NUP62CL: variants seen among roughly 807,000 people sequenced by gnomAD.
NUP62CL encodes the protein nucleoporin-62 C-terminal-like protein.
In NUP62CL, 13 loss-of-function variants were observed where a neutral mutation model predicts 15.3. The observed-to-expected ratio is 0.85, with a 90% CI of 0.55 to 1.35. The LOEUF is 1.35. NUP62CL is among the 40% of genes most tolerant of loss of function. NUP62CL has a pLI of 0.00. For missense variants in NUP62CL, 123 were observed against 130.6 expected, an observed-to-expected ratio of 0.94 and a Z score of 0.28; for synonymous variants, 54 against 49.2, an observed-to-expected ratio of 1.10 and a Z score of -0.41.
chrX:107,182,332 C>G (rs1926938291), intron 2 of NUP62CL, among the ~76,000 whole-genome samples: 1 of 111,949 alleles, frequency 8.9e-6, no homozygotes, highest in African/African-American at 3.2e-5. Context: ...AAAAATGTCT[C>G]CAGATTTGGC....
chrX:107,150,399 C>A (rs369796834), intron 7 of NUP62CL, among the ~76,000 whole-genome samples: 5 of 112,104 alleles, frequency 4.5e-5, no homozygotes, highest in Non-Finnish European at 5.6e-5. Context: ...CTAGATGTTT[C>A]CTGCTCCACT....
In NUP62CL at chrX:107,154,147, C is replaced by T. The variant is rs1001219971; in HGVS notation, c.294G>A (p.Gln98=). The T allele has an allele frequency of 5.0e-6, 6 of 1,208,402 alleles. No homozygotes were observed. The highest frequency in any genetic ancestry group is 4.6e-4 in the Middle Eastern group (2 of 4,347). ...LEDQEKYFLL[Q]ATQVNAWDHT... is the part of the protein sequence containing the mutation. ...GGTCCCAAGCATTGACCTGAGTGGC[C>T]TGGAGAAGAAAGTACTTCTCTTGAT... is the stretch of plus-strand genomic sequence containing the variant. The change falls in exon 5 of 9, where the codon CAG becomes CAA. Residue 98 remains glutamine, a synonymous_variant. Coordinates refer to ENST00000372466, the MANE Select transcript of NUP62CL (RefSeq NM_017681.3).
rs1367419913 is a variant in NUP62CL, at chrX:107,206,384, T to C, written c.-203A>G. 1.8e-5 allele frequency: 2 copies of C among 109,100 alleles called. No individual in the cohort carries two copies. Among genetic ancestry groups the C allele is most frequent in the Admixed American group, 9.8e-5 (1 of 10,239 alleles). The allele number at this position is 109,100 out of a possible 1,213,427, so 9.0% of individuals were successfully genotyped here. A position where few individuals can be genotyped will look rare whatever the true frequency, so the allele number is the denominator to read the frequency against. ...CCGGACCTGCTCGAGCCGGAAAGAA[T>C]CGGCCTCCTTAGTGGGCAGGTTCCC... On this transcript the variant is annotated 5_prime_UTR_variant, in exon 1 of 9. Coordinates refer to ENST00000372466, the MANE Select transcript of NUP62CL (RefSeq NM_017681.3).
At chrX:107,152,148 T>A (rs2343174) in intron 7 of NUP62CL, among the ~76,000 whole-genome samples, 1 of 42,931 alleles carries the variant, frequency 2.3e-5, no homozygotes, top group Non-Finnish European at 3.5e-5. Flanking sequence ...ATATATATAT[T>A]CAGATATATA....
chrX:107,189,322 A>T (rs1039893728), intron 2 of NUP62CL, among the ~76,000 whole-genome samples: 1 of 111,774 alleles, frequency 8.9e-6, no homozygotes, highest in Non-Finnish European at 1.9e-5. Flanking sequence ...TCCCAGAGTA[A>T]TGAAGACTTA....
rs372857059 is a variant in NUP62CL at position 107,146,459 on chromosome X, G to A, written c.*42+1284C>T. On this transcript the variant is annotated intron_variant, in intron 8 of 8. Transcript: ENST00000372466. ...ACTGTATTTGGTACATTTTCTGCTA[G>A]CATATTTTTCTGCCAAGAAATGACA... Among the ~76,000 whole-genome samples, 11 of 112,029 alleles carry A rather than the reference G, an allele frequency of 9.8e-5. No homozygotes were observed. The East Asian group carries it at 2.0e-3, about 20-fold the overall frequency.
chrX:107,184,758 G>C (rs1194375870), intron 2 of NUP62CL, among the ~76,000 whole-genome samples: 1 of 110,840 alleles, frequency 9.0e-6, no homozygotes, highest in Non-Finnish European at 1.9e-5. Flanking sequence ...AACCCAAAAA[G>C]GATAAGCACA....
intron 1 of NUP62CL, among the ~76,000 whole-genome samples, chrX:107,193,494 CAT>C (rs1347630547): frequency 8.9e-6 from 1 of 112,017 alleles, no homozygotes; most frequent in Non-Finnish European, 1.9e-5. Context: ...AGACAAGAAA[CAT>C]GTGAGAATCC....
intron 8 of NUP62CL, among the ~76,000 whole-genome samples, chrX:107,130,604 T>C (rs1925491768): frequency 9.0e-6 from 1 of 111,344 alleles, no homozygotes; most frequent in Non-Finnish European, 1.9e-5. Context: ...AAGAATGCTA[T>C]AGAAGACAGA....
chrX:107,157,616 C>G (rs1343951213), intron 4 of NUP62CL, among the ~76,000 whole-genome samples: 6 of 108,341 alleles, frequency 5.5e-5, no homozygotes, highest in Admixed American at 4.9e-4. Flanking sequence ...CCTAAAAGAG[C>G]TCCTGAAGGA....
chrX:107,191,385 GTTCAGAAAATTTTGTC>G (rs1346940154), intron 2 of NUP62CL, among the ~76,000 whole-genome samples: 5 of 109,131 alleles, frequency 4.6e-5, no homozygotes, highest in Non-Finnish European at 7.6e-5. Flanking sequence ...GGAAAGAGTA[GTTCAGAAAATTTTGTC>G]TTCTGTAGAG....
At chrX:107,177,076 T>TA (rs957706908) in intron 2 of NUP62CL, among the ~76,000 whole-genome samples, 57 of 110,840 alleles carry the variant, frequency 5.1e-4, no homozygotes, top group East Asian at 8.5e-4. Context: ...TTCTAAGAAA[T>TA]AAAAAAAATC....
intron 1 of NUP62CL, among the ~76,000 whole-genome samples, chrX:107,198,383 C>T (rs1391799203): frequency 9.0e-6 from 1 of 111,639 alleles, no homozygotes; most frequent in Admixed American, 9.5e-5. Flanking sequence ...GCTGGCCACC[C>T]GAGCCAGGAG....
At chrX:107,154,633 C>T (rs898184606) in intron 4 of NUP62CL, among the ~76,000 whole-genome samples, 2 of 111,337 alleles carry the variant, frequency 1.8e-5, no homozygotes, top group Non-Finnish European at 3.8e-5. Context: ...CAAAGTGACC[C>T]ATTCCCTGTT....
At chrX:107,156,724 T>G (rs1183200934) in intron 4 of NUP62CL, among the ~76,000 whole-genome samples, 2 of 99,329 alleles carry the variant, frequency 2.0e-5, no homozygotes, top group Non-Finnish European at 4.0e-5. Context: ...GCAGAGCGCC[T>G]CTCCTCCTCC....
At chrX:107,193,709 A>G (rs763000472) in intron 1 of NUP62CL, among the ~76,000 whole-genome samples, 13 of 111,182 alleles carry the variant, frequency 1.2e-4, no homozygotes, top group African/African-American at 3.9e-4. Context: ...AAGCCCTTAG[A>G]AGGTTACTCA....
At chrX:107,156,259 C>A (rs1166901762) in intron 4 of NUP62CL, among the ~76,000 whole-genome samples, 2 of 110,120 alleles carry the variant, frequency 1.8e-5, no homozygotes, top group African/African-American at 6.6e-5. Flanking sequence ...CGGGAAGCTC[C>A]AACTGGGTGG....
chrX:107,185,278 C>A (rs772077561), intron 2 of NUP62CL, among the ~76,000 whole-genome samples: 29 of 107,746 alleles, frequency 2.7e-4, no homozygotes, highest in Middle Eastern at 4.7e-3. Flanking sequence ...AATCTTGGAA[C>A]CTCGGGAAGT....
chrX:107,136,782 G>A (rs1348235974), intron 8 of NUP62CL, among the ~76,000 whole-genome samples: 2 of 112,275 alleles, frequency 1.8e-5, no homozygotes, highest in Admixed American at 9.4e-5. Flanking sequence ...ATATATCAAC[G>A]TAGGCTGGGC....
Sources: gnomAD v4.1 joint callset for allele counts (sites outside exome capture counted in the v4.1 genomes callset) on GRCh38, gnomAD v4.1.1 for gene constraint, MANE v1.5 for transcripts, NCBI Gene and HGNC (gene_info 2026-07-23, HGNC 2026-07-21) for gene names.